FAM53A: variants seen among roughly 807,000 people sequenced by gnomAD.
The protein encoded by FAM53A is protein FAM53A.
FAM53A carries 28 observed loss-of-function variants against 26.6 expected under a neutral mutation model. The observed-to-expected ratio is 1.05, with a 90% CI of 0.78 to 1.45. FAM53A has a LOEUF of 1.45. FAM53A is among the 40% of genes most tolerant of loss of function. The pLI is 0.00. For missense variants in FAM53A, 650 were observed against 575.8 expected (o/e 1.13, Z -1.32); for synonymous variants, 290 against 253.1 (o/e 1.15, Z -1.38).
chr4:1,645,135 C>T (rs1712122973), intron 4 of FAM53A, among the ~76,000 whole-genome samples: 1 of 152,168 alleles, frequency 6.6e-6, no homozygotes, highest in Non-Finnish European at 1.5e-5. Context: ...GCCTGGAGCG[C>T]AGCACAGTGC....
chr4:1,608,844 A>G, the FAM53A span, among the ~76,000 whole-genome samples: 1 of 152,162 alleles, frequency 6.6e-6, no homozygotes, highest in Non-Finnish European at 1.5e-5. Flanking sequence ...AATGAAATCA[A>G]TATGGGTTCT....
chr4:1,605,269 G>C, the FAM53A span, among the ~76,000 whole-genome samples: 2 of 152,174 alleles, frequency 1.3e-5, no homozygotes, highest in Admixed American at 6.5e-5. This position sits in a 1 kb window ranked among gnomAD's most constrained non-coding sequence, Gnocchi z 5.7. Context: ...CCTCAGCTGG[G>C]ACTGGAGTCG....
intron 4 of FAM53A, among the ~76,000 whole-genome samples, chr4:1,653,550 A>G (rs538924242): frequency 6.6e-6 from 1 of 152,206 alleles, no homozygotes; most frequent in Non-Finnish European, 1.5e-5. Flanking sequence ...AAGCAGGGAC[A>G]GCCTGCTTGT....
chr4:1,655,701 G>C lies in FAM53A; in HGVS notation c.159C>G (p.Phe53Leu). Residue 53 changes from phenylalanine (F) to leucine (L), a missense_variant, in exon 4 of 5, where the codon TTC becomes TTG. Phe to Leu is a conservative substitution (Grantham distance 22). Transcript: ENST00000308132. ...ELNDQSPWKV[F>L]SGGPPVRSQA... is the part of the protein sequence containing the mutation. ...GGCTTCTGACGGGCGGTCCTCCACTGAAGACCTTCCAGGGACTCTGGTCTA... is the reference window on the plus strand; with the variant it reads ...GGCTTCTGACGGGCGGTCCTCCACTCAAGACCTTCCAGGGACTCTGGTCTA... The C allele has an allele frequency of 6.3e-7, 1 of 1,587,716 alleles. No homozygotes were observed. Among genetic ancestry groups the C allele is most frequent in the Non-Finnish European group, 8.5e-7 (1 of 1,172,594 alleles).
intron 4 of FAM53A, among the ~76,000 whole-genome samples, chr4:1,642,851 C>T (rs1711849030): frequency 6.6e-6 from 1 of 152,244 alleles, no homozygotes; most frequent in Non-Finnish European, 1.5e-5. Flanking sequence ...GCTTCAGACG[C>T]CTCACCTCGT....
chr4:1,644,501 C>A, intron 4 of FAM53A: 1 of 967,006 alleles, frequency 1.0e-6, no homozygotes, highest in East Asian at 2.7e-5. Context: ...GCTGTAGAGA[C>A]GGTGGAAACC....
rs577258934 is a variant in FAM53A at position 1,659,442 on chromosome 4, G to A, written c.76-1974C>T. Among the ~76,000 whole-genome samples the A allele has an allele frequency of 5.3e-4, 81 of 152,224 alleles. No individual in the cohort carries two copies. The highest frequency in any genetic ancestry group is 1.1e-3 in the Non-Finnish European group (74 of 68,042). On this transcript the variant is annotated intron_variant, in intron 2 of 4. Coordinates refer to ENST00000308132, the MANE Select transcript of FAM53A (RefSeq NM_001174070.3). This position sits in a 1 kb window ranked among gnomAD's most constrained non-coding sequence, Gnocchi z 5.2. ...CAGCTCGACGCTGCCACGGAAAAAC[G>A]TCTAGCAAGGAAAGGACTTTCCCAG...
chr4:1,588,796 T>C, the FAM53A span, among the ~76,000 whole-genome samples: 1 of 152,216 alleles, frequency 6.6e-6, no homozygotes, highest in African/African-American at 2.4e-5. Flanking sequence ...CTGCTAAACT[T>C]GAGAGTAATT....
At chr4:1,629,519 G>C (rs999899709) in intron 1 of FAM53A, among the ~76,000 whole-genome samples, 2 of 152,210 alleles carry the variant, frequency 1.3e-5, no homozygotes, top group African/African-American at 2.4e-5. Context: ...CATGGCCTTG[G>C]CCTGGGGTTG....
rs1711717450 is a variant in FAM53A, at chr4:1,641,501, A to C, written c.989T>G (p.Leu330Arg). The C allele has an allele frequency of 6.2e-7, 1 of 1,614,158 alleles. No homozygotes were observed. The highest frequency in any genetic ancestry group is 8.5e-7 in the Non-Finnish European group (1 of 1,180,000). ...GCAGCCAGGCATGGTGATGCCAGGGAGGCCCCGGGAGTCACATGGGGAGGA... is the reference window on the plus strand; with the variant it reads ...GCAGCCAGGCATGGTGATGCCAGGGCGGCCCCGGGAGTCACATGGGGAGGA... ...VLSSPCDSRG[L>R]PGITMPGCSQ... Residue 330 changes from leucine (L) to arginine (R), a missense_variant, in exon 5 of 5, where the codon CTC becomes CGC. Physicochemically the swap from Leu to Arg is moderately radical, Grantham distance 102. Transcript: ENST00000308132.
Position 1,655,203 on chromosome 4 carries a change from C to G in FAM53A, c.657G>C (p.Arg219Ser). The change falls in exon 4 of 5, where the codon AGG (arginine) becomes AGC (serine). Residue 219 changes from arginine (R) to serine (S), a missense_variant. Coordinates refer to ENST00000308132, the MANE Select transcript of FAM53A (RefSeq NM_001174070.3). ...CSAESCLPST[R>S]RRPSLSQERL... Reference sequence around the variant, plus strand: ...GCTCCTGTGAGAGGGACGGGCGGCGCCTCGTGGAGGGCAAGCAGGACTCCG... The same window carrying G: ...GCTCCTGTGAGAGGGACGGGCGGCGGCTCGTGGAGGGCAAGCAGGACTCCG... 1 of 1,557,696 alleles carries G rather than the reference C, an allele frequency of 6.4e-7. No individual in the cohort carries two copies. Among genetic ancestry groups the G allele is most frequent in the South Asian group, 1.2e-5 (1 of 85,078 alleles).
At chr4:1,610,199 T>C in the FAM53A span, among the ~76,000 whole-genome samples, 1,335 of 151,940 alleles carry the variant, frequency 8.8e-3, 17 homozygotes, top group African/African-American at 0.03. Context: ...CACAGCAGCT[T>C]GTCCCCCTTC....
rs993432935 is a variant in FAM53A, at chr4:1,640,657, G to A, written c.*636C>T. ...AGGGCAGGTGCCGGCAGCAGCCATG[G>A]CCCCGACCAGCTCACATGAAACCTA... is the stretch of plus-strand genomic sequence containing the variant. On this transcript the variant is annotated 3_prime_UTR_variant, in exon 5 of 5. Transcript: ENST00000308132. 4.1e-5 allele frequency: 15 copies of A among 363,480 alleles called. No individual in the cohort carries two copies. The highest frequency in any genetic ancestry group is 3.0e-4 in the South Asian group (14 of 46,790). The allele number at this position is 363,480 out of a possible 1,614,324, so 22.5% of individuals were successfully genotyped here.
intron 1 of FAM53A, among the ~76,000 whole-genome samples, chr4:1,631,616 G>A (rs191057714): frequency 2.0e-4 from 31 of 152,198 alleles, no homozygotes; most frequent in Admixed American, 6.5e-4. Context: ...CCTCTGAGAC[G>A]CCCCAGAGAA....
intron 4 of FAM53A, among the ~76,000 whole-genome samples, chr4:1,647,525 C>T (rs911616015): frequency 6.6e-6 from 1 of 152,128 alleles, no homozygotes; most frequent in African/African-American, 2.4e-5. Context: ...TGAGGATGAT[C>T]GCCGAACGGT....
chr4:1,651,253 C>T (rs1384001649), intron 4 of FAM53A, among the ~76,000 whole-genome samples: 10 of 145,300 alleles, frequency 6.9e-5, no homozygotes, highest in African/African-American at 2.0e-4. Flanking sequence ...AAGAGAGGGC[C>T]GGGCACGGTG....
the FAM53A span, among the ~76,000 whole-genome samples, chr4:1,593,968 C>T: frequency 5.4e-4 from 83 of 152,306 alleles, 1 homozygote; most frequent in African/African-American, 1.9e-3. Flanking sequence ...GCACGAAATA[C>T]GGTCTAGGGC....
intron 1 of FAM53A, among the ~76,000 whole-genome samples, chr4:1,679,298 A>T (rs979270870): frequency 4.0e-5 from 6 of 151,464 alleles, no homozygotes; most frequent in African/African-American, 1.5e-4. Flanking sequence ...GAAGTAGAAG[A>T]ATCACTTGAA....
chr4:1,673,065 G>A (rs770586742), intron 1 of FAM53A, among the ~76,000 whole-genome samples: 10 of 152,116 alleles, frequency 6.6e-5, no homozygotes, highest in East Asian at 3.8e-4. Flanking sequence ...TCACCACCAC[G>A]CCTGGCCTGG....
Sources: allele counts gnomAD v4.1 joint callset (sites outside exome capture counted in the v4.1 genomes callset), GRCh38; gene constraint gnomAD v4.1.1; non-coding constraint Gnocchi (gnomAD v3.1); transcripts MANE v1.5; gene names NCBI Gene and HGNC (gene_info 2026-07-23, HGNC 2026-07-21).